Variants in KANSL1L observed in about 807,000 individuals in gnomAD.
KANSL1L encodes KAT8 regulatory NSL complex subunit 1-like protein.
In KANSL1L, 25 loss-of-function variants were observed where a neutral mutation model predicts 108.6. That is an observed-to-expected ratio of 0.23 (90% CI 0.17 to 0.32). The LOEUF is 0.32. Among genes scored for constraint, KANSL1L ranks in the 10% least tolerant of loss-of-function variants. The pLI, the probability that KANSL1L is intolerant of heterozygous loss-of-function variation, is 1.00. For synonymous variants in KANSL1L, 405 were observed against 395.1 expected, an observed-to-expected ratio of 1.03 and a Z score of -0.30; for missense variants, 1,137 against 1,125.7, an observed-to-expected ratio of 1.01 and a Z score of -0.14.
At chr2:210,098,576 T>C (rs1262182155) in intron 4 of KANSL1L, among the ~76,000 whole-genome samples, 1 of 152,130 alleles carries the variant, frequency 6.6e-6, no homozygotes, top group Non-Finnish European at 1.5e-5. Flanking sequence ...AGGCATTATA[T>C]TAGGCACCAC....
chr2:210,044,133 ACAGC>A lies in KANSL1L; in HGVS notation c.1756-33_1756-30del, dbSNP rs1234532359. 1 of 1,498,918 alleles carries A rather than the reference ACAGC, an allele frequency of 6.7e-7. No homozygotes were observed. The highest frequency in any genetic ancestry group is 9.0e-7 in the Non-Finnish European group (1 of 1,115,456). 92.9% of individuals were successfully genotyped at this position (1,498,918 alleles called of 1,614,324 possible). On this transcript the variant is annotated intron_variant, in intron 6 of 14. Transcript: ENST00000281772. This position sits in a 1 kb window ranked among gnomAD's most constrained non-coding sequence, Gnocchi z 4.2. ...CAAGGAAAAACCGTATTAGAATATC[ACAGC>A]CAAAGCATCCATAAATGGCATATCT...
At position 210,022,958 on chromosome 2, in the gene KANSL1L, T is replaced by G; in HGVS notation, c.2955A>C (p.Lys985Asn). The change falls in exon 15 of 15, where the codon AAA becomes AAC. Residue 985 changes from lysine to asparagine, a missense_variant. This residue lies in a region of KANSL1L where 575 missense variants were observed against 567.1 expected (regional missense o/e 1.01). Transcript: ENST00000281772. ...CTTAACCTGTTCCCTGTCACCTATT[T>G]TTTTTAACATTAGTAAGTCCTAGAC... is the stretch of plus-strand genomic sequence containing the variant. ...TFGLGLTNVK[K>N]NR The G allele has an allele frequency of 6.2e-7, 1 of 1,610,292 alleles. No homozygotes were observed. Among genetic ancestry groups the G allele is most frequent in the Non-Finnish European group, 8.5e-7 (1 of 1,176,622 alleles).
chr2:210,088,538 C>T (rs545076865), intron 5 of KANSL1L: 1 of 152,356 alleles, frequency 6.6e-6, no homozygotes, highest in South Asian at 2.1e-4. Context: ...CACAAATTGC[C>T]TTGATATTAT....
chr2:210,031,062 T>A (rs2094009275), intron 9 of KANSL1L: 1 of 165,486 alleles, frequency 6.0e-6, no homozygotes, highest in Admixed American at 6.4e-5. Context: ...TGCATCAACA[T>A]CTCCACAGTA....
chr2:210,166,911 T>C lies in KANSL1L; in HGVS notation c.-30+4238A>G, dbSNP rs913203905. The stretch of plus-strand genomic sequence containing the variant: ...AGAGTAGAAAAAAGACAAATTCTTT[T>C]AGCAAAATATGAGAAGTTTTTAAAC... On this transcript the variant is annotated intron_variant, in intron 1 of 14. Coordinates refer to ENST00000281772, the MANE Select transcript of KANSL1L (RefSeq NM_152519.4). Among the ~76,000 whole-genome samples, 88 of 152,020 alleles carry C rather than the reference T, an allele frequency of 5.8e-4. 1 individual carries two copies. The highest frequency in any genetic ancestry group is 7.2e-4 in the Admixed American group (11 of 15,272).
At chr2:210,170,546 A>G (rs1688271457) in intron 1 of KANSL1L, 1 of 176,112 alleles carries the variant, frequency 5.7e-6, no homozygotes, top group Non-Finnish European at 1.1e-5. Context: ...TCCCTTCCTC[A>G]GCACACCGGT....
intron 1 of KANSL1L, among the ~76,000 whole-genome samples, chr2:210,158,616 T>A (rs749713684): frequency 6.6e-6 from 1 of 152,040 alleles, no homozygotes; most frequent in Non-Finnish European, 1.5e-5. Context: ...TAAGCTCTAG[T>A]CTATGAAAGT....
intron 2 of KANSL1L, 80 bp downstream of exon 2, chr2:210,153,415 C>T: frequency 9.5e-7 from 1 of 1,054,410 alleles, no homozygotes. Context: ...AAATCTATTT[C>T]TTGTCAACAT....
intron 6 of KANSL1L, among the ~76,000 whole-genome samples, chr2:210,059,238 G>A (rs1264988669): frequency 6.6e-6 from 1 of 152,088 alleles, no homozygotes; most frequent in Non-Finnish European, 1.5e-5. Flanking sequence ...ATGGAAGGAA[G>A]CCATTCTAGC....
intron 10 of KANSL1L, 119 bp downstream of exon 10, chr2:210,029,680 TATAA>T (rs1267991721): frequency 8.3e-6 from 4 of 481,986 alleles, no homozygotes; most frequent in Non-Finnish European, 1.5e-5. Context: ...ACAAGATAGT[TATAA>T]ATGTCTGTTA....
chr2:210,123,130 T>C (rs1298352018), intron 3 of KANSL1L, among the ~76,000 whole-genome samples: 2 of 152,104 alleles, frequency 1.3e-5, no homozygotes, highest in Admixed American at 1.3e-4. Context: ...AGCTTGGAGC[T>C]TCCTTGAAAA....
chr2:210,108,004 A>T (rs2125448901), intron 3 of KANSL1L, among the ~76,000 whole-genome samples: 2 of 152,054 alleles, frequency 1.3e-5, no homozygotes, highest in South Asian at 4.2e-4. Flanking sequence ...AGTGAGAACA[A>T]TTTTTTTTAC....
intron 13 of KANSL1L, 138 bp from the exon 14 acceptor site, chr2:210,024,339 C>G: frequency 1.9e-6 from 1 of 520,516 alleles, no homozygotes; most frequent in Non-Finnish European, 3.3e-6. Context: ...TAAAAATTCC[C>G]CTGGTGCTAT....
At chr2:210,108,100 C>T (rs1329670047) in intron 3 of KANSL1L, among the ~76,000 whole-genome samples, 5 of 152,076 alleles carry the variant, frequency 3.3e-5, no homozygotes, top group African/African-American at 4.8e-5. Flanking sequence ...ACTCAAGAAG[C>T]TATAAGAGCA....
chr2:210,022,595 C>G lies in KANSL1L; in HGVS notation c.*354G>C, dbSNP rs2093875681. On this transcript the variant is annotated 3_prime_UTR_variant, in exon 15 of 15. Transcript: ENST00000281772. ...AAAAAAATAGCTGTCACTTGGCACA[C>G]AGGTTTGTATGTATGTGTATATATA... 1 of 179,558 alleles carries G rather than the reference C, an allele frequency of 5.6e-6. No homozygotes were observed. The highest frequency in any genetic ancestry group is 1.2e-5 in the Non-Finnish European group (1 of 85,162). The allele number at this position is 179,558 out of a possible 1,614,324, so 11.1% of individuals were successfully genotyped here. A position where few individuals can be genotyped will look rare whatever the true frequency, so the allele number is the denominator to read the frequency against.
intron 4 of KANSL1L, among the ~76,000 whole-genome samples, chr2:210,101,422 T>C (rs1418286107): frequency 6.6e-6 from 1 of 152,210 alleles, no homozygotes; most frequent in East Asian, 1.9e-4. Context: ...AAGAAATCTC[T>C]TTTAGAAATG....
At chr2:210,098,259 A>G in intron 4 of KANSL1L, 52 bp from the exon 5 acceptor site, 1 of 1,580,062 alleles carries the variant, frequency 6.3e-7, no homozygotes, top group Middle Eastern at 1.7e-4. Context: ...AATGTGAGTT[A>G]AAGCTCAGAT....
chr2:210,120,704 C>G (rs540145739), intron 3 of KANSL1L, among the ~76,000 whole-genome samples: 73 of 152,148 alleles, frequency 4.8e-4, no homozygotes, highest in African/African-American at 1.6e-3. Flanking sequence ...ACAGAGTAAA[C>G]AGACAATCTA....
In KANSL1L at chr2:210,132,359, G is replaced by A. The variant is rs1191555335; in HGVS notation, c.1089-3187C>T. On this transcript the variant is annotated intron_variant, in intron 2 of 14. Coordinates refer to ENST00000281772, the MANE Select transcript of KANSL1L (RefSeq NM_152519.4). ...AAGCCTGGTCTGCCACTGACTCCCT[G>A]AATCTTTCTAGAGTGTGCAAAACTG... Among the ~76,000 whole-genome samples, 3 of 151,972 alleles carry A rather than the reference G, an allele frequency of 2.0e-5. No homozygotes were observed. The East Asian group carries it at 5.8e-4, about 29-fold the overall frequency.
Sources: allele counts gnomAD v4.1 joint callset (sites outside exome capture counted in the v4.1 genomes callset), GRCh38; gene constraint gnomAD v4.1.1; regional missense constraint gnomAD v4.1.1; non-coding constraint Gnocchi (gnomAD v3.1); transcripts MANE v1.5; gene names NCBI Gene and HGNC (gene_info 2026-07-23, HGNC 2026-07-21).